The following GRIK2 variants were observed in gnomAD, a reference collection of about 807,000 sequenced individuals.
GRIK2 encodes glutamate receptor ionotropic, kainate 2.
Under a neutral mutation model 100.3 loss-of-function variants are expected in GRIK2, and 32 were observed. That is an observed-to-expected ratio of 0.32 (90% CI 0.24 to 0.43). The LOEUF (loss-of-function observed/expected upper bound fraction) is 0.43, where lower values mean the gene tolerates loss of function less well. GRIK2 is among the 20% of genes least tolerant of loss of function. The pLI is 1.00. For synonymous variants in GRIK2, 417 were observed against 389.4 expected (o/e 1.07, Z -0.83); for missense variants, 843 against 1,114.9 (o/e 0.76, Z 3.47).
intron 14 of GRIK2, among the ~76,000 whole-genome samples, chr6:101,969,440 C>T (rs928224537): frequency 6.6e-6 from 1 of 151,630 alleles, no homozygotes; most frequent in Non-Finnish European, 1.5e-5. Flanking sequence ...GTTCATTTTT[C>T]CCCAAATTTT....
intron 7 of GRIK2, among the ~76,000 whole-genome samples, chr6:101,778,394 T>G (rs1778878624): frequency 6.6e-6 from 1 of 152,172 alleles, no homozygotes; most frequent in Admixed American, 6.5e-5. Context: ...AAATTACTCT[T>G]AAGAGTAATT....
At chr6:101,964,833 A>C (rs1393850425) in intron 14 of GRIK2, among the ~76,000 whole-genome samples, 1 of 152,188 alleles carries the variant, frequency 6.6e-6, no homozygotes, top group East Asian at 1.9e-4. Context: ...TCAGGAGGAC[A>C]GTTCTCTGTC....
At chr6:101,708,666 T>A (rs1562325589) in intron 7 of GRIK2, among the ~76,000 whole-genome samples, 1 of 151,762 alleles carries the variant, frequency 6.6e-6, no homozygotes, top group Non-Finnish European at 1.5e-5. Flanking sequence ...TATATATGAA[T>A]CTCCATAAGA....
At chr6:102,063,942 A>C in intron 16 of GRIK2, 5 of 1,164,904 alleles carry the variant, frequency 4.3e-6, no homozygotes, top group Non-Finnish European at 6.4e-6. Flanking sequence ...CAGCTCAAAG[A>C]TTTAAATTTT....
At chr6:101,580,304 CA>C (rs1268377849) in intron 2 of GRIK2, among the ~76,000 whole-genome samples, 2 of 152,068 alleles carry the variant, frequency 1.3e-5, no homozygotes, top group African/African-American at 4.8e-5. Context: ...CCTGATTTAA[CA>C]AATGGCTACC....
In GRIK2 at chr6:101,970,720, T is replaced by A. The variant is rs180746199; in HGVS notation, c.2085+42088T>A. Among the ~76,000 whole-genome samples the A allele has an allele frequency of 8.9e-4, 134 of 151,270 alleles. 1 individual carries two copies. Among genetic ancestry groups the A allele is most frequent in the Non-Finnish European group, 1.6e-3 (112 of 67,938 alleles). On this transcript the variant is annotated intron_variant, in intron 14 of 16. Transcript: ENST00000369134. ...CAGATGTGAACATCTGTAAACATTC[T>A]TTCTGCAAATACATCCTGCAATTGT...
At chr6:101,569,681 C>T (rs1015624506) in intron 2 of GRIK2, among the ~76,000 whole-genome samples, 1 of 151,716 alleles carries the variant, frequency 6.6e-6, no homozygotes, top group Non-Finnish European at 1.5e-5. Context: ...TATTTCTATC[C>T]AAAGAATAAC....
At chr6:101,405,571 G>C (rs1329689685) in intron 2 of GRIK2, among the ~76,000 whole-genome samples, 2 of 152,074 alleles carry the variant, frequency 1.3e-5, no homozygotes, top group East Asian at 3.9e-4. Context: ...TCTTTCTGCA[G>C]TTTCAATAGA....
At chr6:101,518,466 G>C (rs1774701997) in intron 2 of GRIK2, among the ~76,000 whole-genome samples, 1 of 152,104 alleles carries the variant, frequency 6.6e-6, no homozygotes, top group Admixed American at 6.6e-5. Context: ...CGCAGAATAA[G>C]TAAGACAAGG....
At chr6:101,427,743 G>A (rs766141220) in intron 2 of GRIK2, among the ~76,000 whole-genome samples, 1 of 152,118 alleles carries the variant, frequency 6.6e-6, no homozygotes, top group Non-Finnish European at 1.5e-5. Flanking sequence ...TAGGTGAATT[G>A]GTCATTCAGT....
chr6:101,659,877 A>G (rs1355994906), intron 4 of GRIK2, among the ~76,000 whole-genome samples: 1 of 152,100 alleles, frequency 6.6e-6, no homozygotes, highest in Non-Finnish European at 1.5e-5. Context: ...GGGTAACCAG[A>G]TCTTTCTCTC....
At chr6:101,459,322 G>T (rs944877444) in intron 2 of GRIK2, among the ~76,000 whole-genome samples, 5 of 152,104 alleles carry the variant, frequency 3.3e-5, no homozygotes, top group Non-Finnish European at 7.4e-5. Context: ...ACAAAAAAGA[G>T]TAATAGCCAT....
At chr6:102,052,846 AG>A (rs930518739) in intron 15 of GRIK2, among the ~76,000 whole-genome samples, 15 of 152,122 alleles carry the variant, frequency 9.9e-5, no homozygotes, top group Admixed American at 8.5e-4. Context: ...AGCACTTTAC[AG>A]GGCAGGTGGA....
At chr6:101,788,207 T>G (rs1779568417) in intron 7 of GRIK2, among the ~76,000 whole-genome samples, 2 of 151,536 alleles carry the variant, frequency 1.3e-5, no homozygotes, top group Non-Finnish European at 2.9e-5. Flanking sequence ...ATGAATTTCT[T>G]TCTTTTTTTT....
intron 7 of GRIK2, among the ~76,000 whole-genome samples, chr6:101,700,953 A>G (rs1238205320): frequency 6.6e-6 from 1 of 152,150 alleles, no homozygotes; most frequent in Non-Finnish European, 1.5e-5. Context: ...AGCTTAGGTG[A>G]CTAGGAAGAC....
intron 5 of GRIK2, among the ~76,000 whole-genome samples, chr6:101,678,176 T>C (rs1272476930): frequency 6.6e-6 from 1 of 152,134 alleles, no homozygotes; most frequent in Non-Finnish European, 1.5e-5. Flanking sequence ...CTAGTAAGTA[T>C]GTAAATGATC....
chr6:102,035,876 G>A (rs1181995778), intron 15 of GRIK2, among the ~76,000 whole-genome samples: 1 of 151,374 alleles, frequency 6.6e-6, no homozygotes, highest in Non-Finnish European at 1.5e-5. Context: ...AATGTTTTAT[G>A]AGTACACTAA....
intron 7 of GRIK2, among the ~76,000 whole-genome samples, chr6:101,705,521 G>C (rs1195049285): frequency 2.0e-5 from 3 of 151,634 alleles, no homozygotes; most frequent in Admixed American, 6.6e-5. Flanking sequence ...TTTAATGACT[G>C]TATCTTTTTG....
At chr6:101,632,110 A>C (rs963987366) in intron 4 of GRIK2, among the ~76,000 whole-genome samples, 2 of 152,074 alleles carry the variant, frequency 1.3e-5, no homozygotes, top group African/African-American at 2.4e-5. Flanking sequence ...ACATGTGCAC[A>C]TTTGCACAAA....
Sources: allele counts gnomAD v4.1 joint callset (sites outside exome capture counted in the v4.1 genomes callset), GRCh38; gene constraint gnomAD v4.1.1; transcripts MANE v1.5; gene names NCBI Gene and HGNC (gene_info 2026-07-23, HGNC 2026-07-21).